WDTC1: variants seen among roughly 807,000 people sequenced by gnomAD.
The protein encoded by WDTC1 is WD and tetratricopeptide repeats protein 1.
A neutral mutation model predicts 76.0 loss-of-function variants in WDTC1; 12 were observed. That is an observed-to-expected ratio of 0.16 (90% confidence interval 0.10 to 0.26). The LOEUF (loss-of-function observed/expected upper bound fraction) is 0.26. WDTC1 is among the 10% of genes least tolerant of loss of function. The pLI, the probability that WDTC1 is intolerant of heterozygous loss-of-function variation, is 1.00. For synonymous variants in WDTC1, 326 were observed against 350.8 expected (o/e 0.93, Z 0.79); for missense variants, 511 against 908.8 (o/e 0.56, Z 5.63).
At chr1:27,264,452 T>TAA (rs553213081) in intron 3 of WDTC1, among the ~76,000 whole-genome samples, 2 of 146,290 alleles carry the variant, frequency 1.4e-5, no homozygotes, top group African/African-American at 5.0e-5. Flanking sequence ...ATAAAATGTT[T>TAA]AAAAAAAAAA....
At chr1:27,294,940 C>A (rs2013643955) in intron 9 of WDTC1, among the ~76,000 whole-genome samples, 1 of 152,200 alleles carries the variant, frequency 6.6e-6, no homozygotes, top group Admixed American at 6.5e-5. Context: ...CAGCTGTTTA[C>A]TGTGACTTTG....
intron 1 of WDTC1, among the ~76,000 whole-genome samples, chr1:27,259,523 G>A (rs753862975): frequency 1.6e-4 from 24 of 151,072 alleles, no homozygotes; most frequent in African/African-American, 3.6e-4. Flanking sequence ...GCAGAGTCTC[G>A]CTATGTTGCC....
intron 1 of WDTC1, among the ~76,000 whole-genome samples, chr1:27,254,881 C>T (rs2012223576): frequency 6.6e-6 from 1 of 152,086 alleles, no homozygotes; most frequent in Non-Finnish European, 1.5e-5. Context: ...CATACCTCAG[C>T]CTCCCAAAGT....
At position 27,306,105 on chromosome 1, in the gene WDTC1, TCCCTCC is replaced by T; in HGVS notation, c.1837-72_1837-67del. The T allele has an allele frequency of 6.6e-7, 1 of 1,507,754 alleles. No homozygotes were observed. The allele number at this position is 1,507,754 out of a possible 1,614,324, so 93.4% of individuals were successfully genotyped here. On this transcript the variant is annotated intron_variant, in intron 15 of 15. Coordinates refer to ENST00000319394, the MANE Select transcript of WDTC1 (RefSeq NM_001276252.2). The surrounding 1 kb of genome is among the most constrained non-coding windows in gnomAD (Gnocchi z 5.0). ...CTATAGATAGTTTAGTCTGTGTATT[TCCCTCC>T]CCCTCCCCTATACGTGTACCCTGGT...
intron 6 of WDTC1, among the ~76,000 whole-genome samples, chr1:27,290,361 G>A (rs1013166945): frequency 2.0e-5 from 3 of 152,120 alleles, no homozygotes; most frequent in Non-Finnish European, 4.4e-5. Context: ...TATGATTGCT[G>A]GTGTGAGCTA....
chr1:27,284,115 A>T (rs1359796955), intron 5 of WDTC1, among the ~76,000 whole-genome samples: 1 of 152,150 alleles, frequency 6.6e-6, no homozygotes, highest in Non-Finnish European at 1.5e-5. Flanking sequence ...TTTGTTGTGG[A>T]AAACAGACCT....
chr1:27,241,288 G>A (rs535241368), intron 1 of WDTC1, among the ~76,000 whole-genome samples: 3 of 152,240 alleles, frequency 2.0e-5, no homozygotes, highest in South Asian at 4.2e-4. Context: ...ACCTTGCCCA[G>A]GGAGCTCTCC....
intron 1 of WDTC1, among the ~76,000 whole-genome samples, chr1:27,242,092 A>G (rs2011646653): frequency 6.6e-6 from 1 of 151,982 alleles, no homozygotes; most frequent in South Asian, 2.1e-4. Flanking sequence ...GGGTTTTACC[A>G]TGTTGGCCAG....
At chr1:27,238,847 G>C (rs1251053986) in intron 1 of WDTC1, among the ~76,000 whole-genome samples, 4 of 151,968 alleles carry the variant, frequency 2.6e-5, no homozygotes, top group African/African-American at 9.7e-5. Context: ...TTACAGGTGT[G>C]AGACACCGCG....
chr1:27,288,402 G>A (rs2013407792), intron 6 of WDTC1, among the ~76,000 whole-genome samples: 1 of 151,566 alleles, frequency 6.6e-6, no homozygotes, highest in South Asian at 2.1e-4. Flanking sequence ...TCGCAGAGGG[G>A]GATTTGGCAG....
chr1:27,272,114 T>A (rs2012886865), intron 3 of WDTC1, among the ~76,000 whole-genome samples: 1 of 151,184 alleles, frequency 6.6e-6, no homozygotes, highest in South Asian at 2.1e-4. Context: ...TGCGAGGTGG[T>A]GCACGCCTGT....
rs2011451867 is a variant in WDTC1 at position 27,234,754 on chromosome 1, C to T, written c.-297C>T. The T allele has an allele frequency of 2.5e-6, 1 of 399,364 alleles. No individual in the cohort carries two copies. The highest frequency in any genetic ancestry group is 4.4e-6 in the Non-Finnish European group (1 of 226,820). 24.7% of individuals were successfully genotyped at this position (399,364 alleles called of 1,614,324 possible). Reference sequence around the variant, plus strand: ...GTGTGAGCGCGGGTGTGAGGCGGTGCGCAGGGGCGGGCGGAGGCGCTGTCC... The same window carrying T: ...GTGTGAGCGCGGGTGTGAGGCGGTGTGCAGGGGCGGGCGGAGGCGCTGTCC... On this transcript the variant is annotated 5_prime_UTR_variant, in exon 1 of 16. Coordinates refer to ENST00000319394, the MANE Select transcript of WDTC1 (RefSeq NM_001276252.2).
At chr1:27,275,664 T>C (rs1353686050) in intron 3 of WDTC1, among the ~76,000 whole-genome samples, 1 of 152,124 alleles carries the variant, frequency 6.6e-6, no homozygotes, top group African/African-American at 2.4e-5. Context: ...GGATCTGACT[T>C]TGTGAGAGAT....
At position 27,294,116 on chromosome 1, in the gene WDTC1, G is replaced by A; in HGVS notation, c.757G>A (p.Gly253Ser). 1 of 1,613,930 alleles carries A rather than the reference G, an allele frequency of 6.2e-7. No homozygotes were observed. The highest frequency in any genetic ancestry group is 1.3e-5 in the African/African-American group (1 of 75,032). Residue 253 changes from glycine (G) to serine (S), a missense_variant and splice_region_variant, in exon 8 of 16, where the codon GGT (glycine) becomes AGT (serine). Physicochemically the swap from Gly to Ser is moderately conservative, Grantham distance 56 (BLOSUM62 0). Transcript: ENST00000319394. ...PDGAAQYYVA[G>S]HLPVKLPDYN... Reference sequence around the variant, plus strand: ...CGGTGCAGCCCAGTATTACGTAGCAGGTAGCGCTCAGCACAGCTCTGGCCC... The same window carrying A: ...CGGTGCAGCCCAGTATTACGTAGCAAGTAGCGCTCAGCACAGCTCTGGCCC...
chr1:27,285,433 C>T (rs2013303682), intron 5 of WDTC1, among the ~76,000 whole-genome samples: 1 of 152,042 alleles, frequency 6.6e-6, no homozygotes, highest in Non-Finnish European at 1.5e-5. Context: ...TCAGCTGTTT[C>T]AGTGTAGGAC....
intron 5 of WDTC1, among the ~76,000 whole-genome samples, chr1:27,284,763 A>AT (rs1313899544): frequency 1.4e-5 from 2 of 145,724 alleles, no homozygotes; most frequent in Admixed American, 1.4e-4. Flanking sequence ...CTCCTCTTCT[A>AT]TTTAAAAAAA....
Position 27,272,630 on chromosome 1 carries a change from C to G in WDTC1, c.132+9395C>G, listed in dbSNP as rs984478000. Among the ~76,000 whole-genome samples, 6 of 152,082 alleles carry G rather than the reference C, an allele frequency of 3.9e-5. No individual in the cohort carries two copies. The South Asian group carries it at 6.2e-4, about 16-fold the overall frequency. On this transcript the variant is annotated intron_variant, in intron 3 of 15. Transcript: ENST00000319394. ...GAATAGGGAAAGACGAGGAAGAACT[C>G]TAAGGTACTGGATTGGAATTAGCTT... is the stretch of plus-strand genomic sequence containing the variant.
In WDTC1 at chr1:27,297,930, C is replaced by T; in HGVS notation, c.1059-8C>T. On this transcript the variant is annotated splice_polypyrimidine_tract_variant and splice_region_variant and intron_variant, in intron 11 of 15. Coordinates refer to ENST00000319394, the MANE Select transcript of WDTC1 (RefSeq NM_001276252.2). ...GACTGTTCTGACTTGGCTCTATTTC[C>T]CCTGCAGCCCCCAAGTAGAGCTACC... 6.2e-7 allele frequency: 1 copy of T among 1,604,978 alleles called. No homozygotes were observed. The highest frequency in any genetic ancestry group is 1.3e-5 in the African/African-American group (1 of 74,828).
Position 27,283,385 on chromosome 1 carries a change from C to T in WDTC1, c.227C>T (p.Pro76Leu), listed in dbSNP as rs1397226472. 6.2e-7 allele frequency: 1 copy of T among 1,613,716 alleles called. No homozygotes were observed. Among genetic ancestry groups the T allele is most frequent in the Non-Finnish European group, 8.5e-7 (1 of 1,180,012 alleles). The change falls in exon 5 of 16, where the codon CCG (proline) becomes CTG (leucine). Residue 76 changes from proline (P) to leucine (L), a missense_variant. Transcript: ENST00000319394. ...GACCAGCACACGATTGTGTGGGACC[C>T]GCTGCACCACAAGAAGCTGCTCTCC... ...SDDQHTIVWD[P>L]LHHKKLLSMH...
Sources: allele counts gnomAD v4.1 joint callset (sites outside exome capture counted in the v4.1 genomes callset), GRCh38; gene constraint gnomAD v4.1.1; non-coding constraint Gnocchi (gnomAD v3.1); transcripts MANE v1.5; gene names NCBI Gene and HGNC (gene_info 2026-07-23, HGNC 2026-07-21).